Variants in GABRG3 observed in about 807,000 individuals in gnomAD.
GABRG3 encodes the protein gamma-aminobutyric acid type A receptor subunit gamma3.
A neutral mutation model predicts 48.8 loss-of-function variants in GABRG3; 25 were observed. The ratio of observed to expected loss-of-function variants is 0.51; its 90% CI spans 0.37 to 0.72. The LOEUF (loss-of-function observed/expected upper bound fraction) is 0.72. Ranked by LOEUF, GABRG3 falls within the 30% of genes least tolerant of loss-of-function variation. GABRG3 has a pLI of 0.00. For synonymous variants in GABRG3, 227 were observed against 217.6 expected, an observed-to-expected ratio of 1.04 and a Z score of -0.38; for missense variants, 394 against 577.9, an observed-to-expected ratio of 0.68 and a Z score of 3.26.
At chr15:27,012,283 A>C (rs1033227278) in intron 2 of GABRG3, among the ~76,000 whole-genome samples, 2 of 152,088 alleles carry the variant, frequency 1.3e-5, no homozygotes, top group Non-Finnish European at 2.9e-5. Flanking sequence ...CCATGATCTT[A>C]ACTATTTTTG....
intron 3 of GABRG3, among the ~76,000 whole-genome samples, chr15:27,071,979 G>C (rs1896834960): frequency 6.6e-6 from 1 of 152,212 alleles, no homozygotes; most frequent in Admixed American, 6.5e-5. Context: ...ACTAAATCAG[G>C]ACGGTATTTA....
chr15:27,011,486 C>T (rs1895685667), intron 2 of GABRG3, among the ~76,000 whole-genome samples: 1 of 152,072 alleles, frequency 6.6e-6, no homozygotes, highest in Non-Finnish European at 1.5e-5. Flanking sequence ...GGCTTCAACC[C>T]CCAACCTCAT....
chr15:27,079,090 C>T lies in GABRG3; in HGVS notation c.270+52269C>T, dbSNP rs529125549. ...CAGAAGCTGACAGAAGGCATAGAACCGTTTCCCCCAGACCCTGCAGAGAGA... is the reference window on the plus strand; with the variant it reads ...CAGAAGCTGACAGAAGGCATAGAACTGTTTCCCCCAGACCCTGCAGAGAGA... On this transcript the variant is annotated intron_variant, in intron 3 of 9. Transcript: ENST00000615808. Among the ~76,000 whole-genome samples, 70 of 152,158 alleles carry T rather than the reference C, an allele frequency of 4.6e-4. 1 individual carries two copies. Among genetic ancestry groups the T allele is most frequent in the Middle Eastern group, 3.4e-3 (1 of 294 alleles).
At chr15:27,383,797 G>A (rs1362961176) in intron 5 of GABRG3, among the ~76,000 whole-genome samples, 3 of 152,144 alleles carry the variant, frequency 2.0e-5, no homozygotes, top group Non-Finnish European at 1.5e-5. Context: ...AAAAAATAAT[G>A]TGTGTCTTTT....
chr15:27,207,627 A>T (rs143220812), intron 3 of GABRG3, among the ~76,000 whole-genome samples: 133 of 152,354 alleles, frequency 8.7e-4, no homozygotes, highest in Non-Finnish European at 1.4e-3. Flanking sequence ...ATCTCTGCAC[A>T]GCACGTGGAA....
intron 3 of GABRG3, among the ~76,000 whole-genome samples, chr15:27,043,306 A>G (rs1896308868): frequency 6.6e-6 from 1 of 152,200 alleles, no homozygotes; most frequent in Admixed American, 6.5e-5. Flanking sequence ...GCAGTTAAGG[A>G]TTGTTAAAGA....
At position 27,091,774 on chromosome 15, in the gene GABRG3, A is replaced by G. The variant is rs1302029423; in HGVS notation, c.270+64953A>G. Reference sequence around the variant, plus strand: ...GTATAAGATCCACTCTGCTCTTTCCAGAAATGTCCACATGGGAAACTCGGC... The same window carrying G: ...GTATAAGATCCACTCTGCTCTTTCCGGAAATGTCCACATGGGAAACTCGGC... On this transcript the variant is annotated intron_variant, in intron 3 of 9. Coordinates refer to ENST00000615808, the MANE Select transcript of GABRG3 (RefSeq NM_033223.5). Among the ~76,000 whole-genome samples the G allele has an allele frequency of 3.9e-5, 6 of 152,224 alleles. No homozygotes were observed. In the East Asian group the frequency reaches 9.6e-4, roughly 24 times the overall value.
chr15:27,274,760 A>C (rs951249963), intron 3 of GABRG3, among the ~76,000 whole-genome samples: 1 of 152,202 alleles, frequency 6.6e-6, no homozygotes, highest in Non-Finnish European at 1.5e-5. Flanking sequence ...GACATTATAC[A>C]TGCATAGTGC....
intron 2 of GABRG3, among the ~76,000 whole-genome samples, chr15:27,006,181 T>C (rs1208949723): frequency 6.6e-6 from 1 of 151,972 alleles, no homozygotes; most frequent in Non-Finnish European, 1.5e-5. Context: ...ATTCCTAGTT[T>C]TTTTTTTGTC....
chr15:27,230,943 C>T (rs1163706856), intron 3 of GABRG3, among the ~76,000 whole-genome samples: 1 of 150,922 alleles, frequency 6.6e-6, no homozygotes, highest in Non-Finnish European at 1.5e-5. Context: ...TTGTTTGGTC[C>T]TTTGAATAGT....
chr15:27,354,962 G>T (rs1305495984), intron 5 of GABRG3, among the ~76,000 whole-genome samples: 1 of 152,174 alleles, frequency 6.6e-6, no homozygotes, highest in Non-Finnish European at 1.5e-5. Flanking sequence ...TGTGTGATAT[G>T]TGCTTTCTGG....
intron 3 of GABRG3, among the ~76,000 whole-genome samples, chr15:27,080,555 G>A (rs1412192436): frequency 6.6e-6 from 1 of 152,192 alleles, no homozygotes; most frequent in Non-Finnish European, 1.5e-5. Context: ...AGGGTGGAAG[G>A]ATCACTTGAG....
chr15:27,093,573 A>C (rs1430808235), intron 3 of GABRG3, among the ~76,000 whole-genome samples: 2 of 152,226 alleles, frequency 1.3e-5, no homozygotes, highest in Non-Finnish European at 2.9e-5. Context: ...TCTATTGGAC[A>C]TACAGAAAGA....
At chr15:26,993,170 A>G (rs1895278236) in intron 2 of GABRG3, among the ~76,000 whole-genome samples, 1 of 151,652 alleles carries the variant, frequency 6.6e-6, no homozygotes, top group African/African-American at 2.4e-5. Flanking sequence ...TTTTTGTTTC[A>G]TTGATCTTTT....
At chr15:27,350,640 C>G (rs1196576663) in intron 5 of GABRG3, among the ~76,000 whole-genome samples, 2 of 152,062 alleles carry the variant, frequency 1.3e-5, no homozygotes, top group African/African-American at 4.8e-5. Context: ...GCATCAACAC[C>G]ACCAGGGCCA....
intron 3 of GABRG3, among the ~76,000 whole-genome samples, chr15:27,298,435 G>A (rs956831114): frequency 6.6e-6 from 1 of 152,092 alleles, no homozygotes; most frequent in African/African-American, 2.4e-5. Flanking sequence ...AGGGGAAAGA[G>A]GGAGGTTGTA....
At chr15:27,020,816 T>C (rs1242193995) in intron 2 of GABRG3, among the ~76,000 whole-genome samples, 1 of 152,218 alleles carries the variant, frequency 6.6e-6, no homozygotes. Context: ...GGAGGTGATA[T>C]AATTTTTGTT....
At chr15:27,189,276 C>T (rs1176340908) in intron 3 of GABRG3, among the ~76,000 whole-genome samples, 4 of 151,618 alleles carry the variant, frequency 2.6e-5, no homozygotes, top group East Asian at 1.9e-4. Flanking sequence ...AAGTCATTGG[C>T]AGCTTGATGG....
intron 3 of GABRG3, among the ~76,000 whole-genome samples, chr15:27,283,505 G>A (rs960520801): frequency 2.6e-5 from 4 of 152,204 alleles, no homozygotes; most frequent in African/African-American, 9.6e-5. Flanking sequence ...CTGGGAGGCT[G>A]AGGCAGGAGA....
Sources: gnomAD v4.1 joint callset for allele counts (sites outside exome capture counted in the v4.1 genomes callset) on GRCh38, gnomAD v4.1.1 for gene constraint, MANE v1.5 for transcripts, NCBI Gene and HGNC (gene_info 2026-07-23, HGNC 2026-07-21) for gene names.